Variants in CPNE4 observed in about 807,000 individuals in gnomAD.
CPNE4 encodes copine 4, also known as copine-4.
CPNE4 carries 25 observed loss-of-function variants against 67.9 expected under a neutral mutation model. That is an observed-to-expected ratio of 0.37 (90% CI 0.27 to 0.51). CPNE4 has a LOEUF of 0.51. CPNE4 is among the 20% of genes least tolerant of loss of function. The pLI is 0.93. For synonymous variants in CPNE4, 242 were observed against 244.9 expected, an observed-to-expected ratio of 0.99 and a Z score of 0.11; for missense variants, 464 against 690.8, an observed-to-expected ratio of 0.67 and a Z score of 3.68.
chr3:131,630,476 T>G (rs1163880973), intron 7 of CPNE4, among the ~76,000 whole-genome samples: 1 of 152,212 alleles, frequency 6.6e-6, no homozygotes, highest in African/African-American at 2.4e-5. Flanking sequence ...CTCAAGTTAG[T>G]CATTTCTCAA....
intron 7 of CPNE4, among the ~76,000 whole-genome samples, chr3:131,640,695 G>A (rs570080265): frequency 4.1e-4 from 63 of 152,072 alleles, no homozygotes; most frequent in African/African-American, 1.5e-3. Flanking sequence ...CCAAAAAGGA[G>A]CCTGCATAGC....
At chr3:131,751,197 A>C (rs559839486) in intron 2 of CPNE4, among the ~76,000 whole-genome samples, 40 of 152,166 alleles carry the variant, frequency 2.6e-4, no homozygotes, top group Admixed American at 1.7e-3. Flanking sequence ...ATCTTGTCAA[A>C]TTTTGTAAGT....
intron 2 of CPNE4, among the ~76,000 whole-genome samples, chr3:131,726,307 T>C (rs1476102528): frequency 6.6e-6 from 1 of 152,240 alleles, no homozygotes; most frequent in Non-Finnish European, 1.5e-5. Flanking sequence ...ACACACCTCA[T>C]ACACACTATA....
At chr3:131,743,942 G>T (rs1218821272) in intron 2 of CPNE4, among the ~76,000 whole-genome samples, 1 of 96,366 alleles carries the variant, frequency 1.0e-5, no homozygotes, top group Non-Finnish European at 1.8e-5. Flanking sequence ...CAGCCTGGGC[G>T]ACAGAGCGAG....
intron 1 of CPNE4, among the ~76,000 whole-genome samples, chr3:131,955,624 A>ATAAAAAT (rs2071941931): frequency 6.6e-6 from 1 of 151,924 alleles, no homozygotes; most frequent in Admixed American, 6.6e-5. Flanking sequence ...AATTTGACCA[A>ATAAAAAT]TGGGAAGCAA....
chr3:131,860,945 C>T (rs2086652894), intron 2 of CPNE4, among the ~76,000 whole-genome samples: 1 of 152,194 alleles, frequency 6.6e-6, no homozygotes, highest in South Asian at 2.1e-4. Flanking sequence ...TGCTACTTTC[C>T]TAAGCAGTAT....
intron 5 of CPNE4, among the ~76,000 whole-genome samples, chr3:131,693,612 A>T (rs948187193): frequency 2.0e-5 from 3 of 152,114 alleles, no homozygotes; most frequent in African/African-American, 7.2e-5. Flanking sequence ...GTGTGAGAGA[A>T]TGAGAGTGAA....
intron 4 of CPNE4, among the ~76,000 whole-genome samples, chr3:131,699,337 ATTTAC>A (rs927112383): frequency 5.3e-5 from 8 of 152,226 alleles, no homozygotes; most frequent in Non-Finnish European, 7.3e-5. Context: ...GGAACTGAAT[ATTTAC>A]TTTAATTTTA....
intron 7 of CPNE4, among the ~76,000 whole-genome samples, chr3:131,588,136 G>A (rs185525151): frequency 3.9e-4 from 59 of 152,062 alleles, no homozygotes; most frequent in Middle Eastern, 3.4e-3. Flanking sequence ...ATCTTTAAAC[G>A]TACCTATGTG....
chr3:131,828,220 A>G (rs1207673053), intron 2 of CPNE4, among the ~76,000 whole-genome samples: 3 of 152,214 alleles, frequency 2.0e-5, no homozygotes, highest in Non-Finnish European at 2.9e-5. Flanking sequence ...TAAAAGGCAC[A>G]GATTTTAAGA....
At chr3:131,632,725 A>G (rs1450354759) in intron 7 of CPNE4, among the ~76,000 whole-genome samples, 1 of 152,092 alleles carries the variant, frequency 6.6e-6, no homozygotes, top group African/African-American at 2.4e-5. Context: ...CCATGCCCCA[A>G]AGCTGAGTCC....
intron 2 of CPNE4, among the ~76,000 whole-genome samples, chr3:131,766,783 G>A (rs1015312092): frequency 3.9e-5 from 6 of 152,062 alleles, no homozygotes; most frequent in African/African-American, 7.2e-5. Flanking sequence ...CAAGTCACAT[G>A]CTCCCTCAGT....
In CPNE4 at chr3:131,906,273, T is replaced by C. The variant is rs550591352; in HGVS notation, c.-1-829A>G. Among the ~76,000 whole-genome samples, 15 of 152,202 alleles carry C rather than the reference T, an allele frequency of 9.9e-5. No individual in the cohort carries two copies. In the South Asian group the frequency reaches 3.1e-3, roughly 32 times the overall value. Reference sequence around the variant, plus strand: ...TTTTTTTGTTTTATTATTATTATACTTTAAGTTTTAGGGTACATGGGCACA... The same window carrying C: ...TTTTTTTGTTTTATTATTATTATACCTTAAGTTTTAGGGTACATGGGCACA... On this transcript the variant is annotated intron_variant, in intron 1 of 15. Coordinates refer to ENST00000429747, the MANE Select transcript of CPNE4 (RefSeq NM_130808.3).
At chr3:131,786,692 G>T (rs572715831) in intron 2 of CPNE4, among the ~76,000 whole-genome samples, 133 of 152,168 alleles carry the variant, frequency 8.7e-4, no homozygotes, top group African/African-American at 3.1e-3. Context: ...TTATGACATT[G>T]GGCAAGATAA....
chr3:131,739,365 T>C (rs2082308736), intron 2 of CPNE4, among the ~76,000 whole-genome samples: 1 of 152,224 alleles, frequency 6.6e-6, no homozygotes, highest in African/African-American at 2.4e-5. Context: ...CACTTCTTGC[T>C]CACAGAGAAA....
intron 6 of CPNE4, among the ~76,000 whole-genome samples, chr3:131,682,564 C>A (rs2080784759): frequency 6.6e-6 from 1 of 152,174 alleles, no homozygotes; most frequent in Non-Finnish European, 1.5e-5. Context: ...GCTGCCACCA[C>A]TGGACTGCAC....
intron 1 of CPNE4, among the ~76,000 whole-genome samples, chr3:131,979,512 T>A (rs770013306): frequency 6.6e-6 from 1 of 151,942 alleles, no homozygotes; most frequent in Non-Finnish European, 1.5e-5. Flanking sequence ...CCTGCTCGCT[T>A]TTGGTGTCCA....
intron 2 of CPNE4, among the ~76,000 whole-genome samples, chr3:131,744,107 A>T (rs1560223299): frequency 6.6e-6 from 1 of 151,606 alleles, no homozygotes; most frequent in African/African-American, 2.4e-5. Flanking sequence ...TTGCAGATAT[A>T]TTTTTTAAAA....
intron 3 of CPNE4, among the ~76,000 whole-genome samples, chr3:131,717,118 G>T (rs188340340): frequency 3.7e-4 from 56 of 152,236 alleles, no homozygotes; most frequent in African/African-American, 1.3e-3. Flanking sequence ...CCCCATTCAC[G>T]CCAAAGTGTC....
Sources: gnomAD v4.1 joint callset for allele counts (sites outside exome capture counted in the v4.1 genomes callset) on GRCh38, gnomAD v4.1.1 for gene constraint, MANE v1.5 for transcripts, NCBI Gene and HGNC (gene_info 2026-07-23, HGNC 2026-07-21) for gene names.